CMIP: variants seen among roughly 807,000 people sequenced by gnomAD.
The protein encoded by CMIP is C-Maf-inducing protein.
Under a neutral mutation model 97.3 loss-of-function variants are expected in CMIP, and 13 were observed. The observed-to-expected ratio is 0.13, with a 90% CI of 0.09 to 0.21. The LOEUF (loss-of-function observed/expected upper bound fraction) is 0.21. Among genes scored for constraint, CMIP ranks in the 10% least tolerant of loss-of-function variants. The probability of loss-of-function intolerance (pLI) is 1.00; values close to 1 mark genes in which losing one functional copy is unlikely to be tolerated. For synonymous variants in CMIP, 538 were observed against 436.3 expected (o/e 1.23, Z -2.91); for missense variants, 847 against 1,024.9 (o/e 0.83, Z 2.37).
chr16:81,520,572 GAGAGAGAGAGAGA>G (rs2090002605), intron 1 of CMIP: 5 of 120,588 alleles, frequency 4.1e-5, no homozygotes, highest in African/African-American at 1.5e-4. Flanking sequence ...GGAAGGGGGA[GAGAGAGAGAGAGA>G]GAGAGAGAGA....
Position 81,445,232 on chromosome 16 carries a change from C to T in CMIP, c.-10C>T. On this transcript the variant is annotated 5_prime_UTR_variant, in exon 1 of 21. Coordinates refer to ENST00000537098, the MANE Select transcript of CMIP (RefSeq NM_198390.3). Reference sequence around the variant, plus strand: ...TCTCCCCGCCCCCAGCCCCCTCCCCCGGCGCGGCCATGGATGTGACCAGCA... The same window carrying T: ...TCTCCCCGCCCCCAGCCCCCTCCCCTGGCGCGGCCATGGATGTGACCAGCA... 6.6e-6 allele frequency: 10 copies of T among 1,510,512 alleles called. No individual in the cohort carries two copies. Among genetic ancestry groups the T allele is most frequent in the East Asian group, 2.5e-5 (1 of 40,368 alleles). The allele number at this position is 1,510,512 out of a possible 1,614,324, so 93.6% of individuals were successfully genotyped here. A position where few individuals can be genotyped will look rare whatever the true frequency, so the allele number is the denominator to read the frequency against.
chr16:81,618,397 C>G (rs1366062016), intron 2 of CMIP: 1 of 152,254 alleles, frequency 6.6e-6, no homozygotes, highest in Non-Finnish European at 1.5e-5. Flanking sequence ...TAGATCATCC[C>G]CATCTCAAGA....
chr16:81,485,058 C>T lies in CMIP; in HGVS notation c.300+39517C>T, dbSNP rs187460524. 5.7e-4 allele frequency among the ~76,000 whole-genome samples: 87 copies of T among 152,258 alleles called. 1 individual carries two copies. The highest frequency in any genetic ancestry group is 3.4e-3 in the Middle Eastern group (1 of 294). ...AGGAGCTTAAAAAATGTCCTGATGC[C>T]TGACTCCACCCCCAGAGGTTGAGAT... is the stretch of plus-strand genomic sequence containing the variant. On this transcript the variant is annotated intron_variant, in intron 1 of 20. Coordinates refer to ENST00000537098, the MANE Select transcript of CMIP (RefSeq NM_198390.3).
At chr16:81,498,794 G>A (rs972645091) in intron 1 of CMIP, among the ~76,000 whole-genome samples, 1 of 152,108 alleles carries the variant, frequency 6.6e-6, no homozygotes, top group Non-Finnish European at 1.5e-5. Flanking sequence ...TTGCACATCC[G>A]TGCACACCCA....
intron 3 of CMIP, among the ~76,000 whole-genome samples, chr16:81,638,551 C>T (rs2092265152): frequency 1.3e-5 from 2 of 152,214 alleles, no homozygotes; most frequent in East Asian, 1.9e-4. Context: ...AGGCGACGCT[C>T]CTTATTGTCC....
intron 1 of CMIP, among the ~76,000 whole-genome samples, chr16:81,505,324 C>T (rs1386160582): frequency 2.6e-5 from 4 of 152,178 alleles, no homozygotes; most frequent in Non-Finnish European, 5.9e-5. Flanking sequence ...AGAACTGGGC[C>T]TGTGTGGAGG....
At chr16:81,448,750 T>C (rs949202911) in intron 1 of CMIP, among the ~76,000 whole-genome samples, 1 of 152,258 alleles carries the variant, frequency 6.6e-6, no homozygotes, top group African/African-American at 2.4e-5. Context: ...AGGAAGCAGA[T>C]AGGCGACAGC....
At chr16:81,686,355 G>T (rs1004295815) in intron 10 of CMIP, among the ~76,000 whole-genome samples, 1 of 152,172 alleles carries the variant, frequency 6.6e-6, no homozygotes, top group African/African-American at 2.4e-5. Flanking sequence ...CACACGACAG[G>T]CCTCAGGCTC....
At chr16:81,588,735 A>G (rs796742952) in intron 1 of CMIP, among the ~76,000 whole-genome samples, 2 of 152,194 alleles carry the variant, frequency 1.3e-5, no homozygotes, top group African/African-American at 4.8e-5. Flanking sequence ...ACCCTGTGAA[A>G]GCCGGTGTGC....
chr16:81,597,704 C>T (rs1321688505), intron 1 of CMIP, among the ~76,000 whole-genome samples: 2 of 152,170 alleles, frequency 1.3e-5, no homozygotes, highest in East Asian at 1.9e-4. Context: ...GGGCTTGGGC[C>T]AGTTCCCCCA....
At chr16:81,485,107 G>C (rs190320549) in intron 1 of CMIP, among the ~76,000 whole-genome samples, 28 of 152,334 alleles carry the variant, frequency 1.8e-4, no homozygotes, top group Admixed American at 1.8e-3. Context: ...ATGGGGCTCA[G>C]ACGTCTTATT....
At chr16:81,549,484 C>G in intron 1 of CMIP, among the ~76,000 whole-genome samples, 1 of 152,188 alleles carries the variant, frequency 6.6e-6, no homozygotes, top group East Asian at 1.9e-4. Flanking sequence ...GAGTGCTGTA[C>G]GTGCCCCAGG....
At chr16:81,556,348 C>G (rs911132126) in intron 1 of CMIP, among the ~76,000 whole-genome samples, 1 of 152,150 alleles carries the variant, frequency 6.6e-6, no homozygotes, top group Non-Finnish European at 1.5e-5. Context: ...CACGGGTGCG[C>G]TGGTGTCCCT....
intron 1 of CMIP, among the ~76,000 whole-genome samples, chr16:81,597,366 A>C (rs2091574597): frequency 6.6e-6 from 1 of 152,116 alleles, no homozygotes; most frequent in Non-Finnish European, 1.5e-5. Context: ...TTAACTTACT[A>C]GTTGCCTGTA....
At chr16:81,558,271 C>G (rs2090807715) in intron 1 of CMIP, among the ~76,000 whole-genome samples, 1 of 152,190 alleles carries the variant, frequency 6.6e-6, no homozygotes, top group African/African-American at 2.4e-5. Context: ...CTTCTCCATC[C>G]CTCCATCAGC....
At chr16:81,447,455 G>A (rs1188180713) in intron 1 of CMIP, among the ~76,000 whole-genome samples, 1 of 152,084 alleles carries the variant, frequency 6.6e-6, no homozygotes, top group East Asian at 1.9e-4. Context: ...CGATTGCTCA[G>A]GAGGTATATC....
intron 4 of CMIP, among the ~76,000 whole-genome samples, chr16:81,657,462 G>A (rs1018167808): frequency 1.3e-5 from 2 of 152,124 alleles, no homozygotes; most frequent in African/African-American, 4.8e-5. Flanking sequence ...AGCCTATTGA[G>A]GTTACTGGAA....
chr16:81,552,868 G>C (rs2090686727), intron 1 of CMIP, among the ~76,000 whole-genome samples: 1 of 152,158 alleles, frequency 6.6e-6, no homozygotes, highest in African/African-American at 2.4e-5. Flanking sequence ...GCTGGGGACA[G>C]AGTGCACAAG....
chr16:81,706,710 G>A (rs1908188780), intron 19 of CMIP, among the ~76,000 whole-genome samples: 1 of 152,222 alleles, frequency 6.6e-6, no homozygotes, highest in Admixed American at 6.5e-5. Context: ...CTGGGGTGTG[G>A]CAGGCAAGCT....
Sources: gnomAD v4.1 joint callset for allele counts (sites outside exome capture counted in the v4.1 genomes callset) on GRCh38, gnomAD v4.1.1 for gene constraint, MANE v1.5 for transcripts, NCBI Gene and HGNC (gene_info 2026-07-23, HGNC 2026-07-21) for gene names.